The following DNAH6 variants were observed in gnomAD, a reference collection of about 807,000 sequenced individuals.
DNAH6 encodes the protein axonemal beta dynein heavy chain 6.
DNAH6 carries 340 observed loss-of-function variants against 491.4 expected under a neutral mutation model. The observed-to-expected ratio is 0.69, with a 90% CI of 0.63 to 0.76. The LOEUF (loss-of-function observed/expected upper bound fraction) is 0.76. DNAH6 is among the 30% of genes least tolerant of loss of function. The pLI is 0.00. For missense variants in DNAH6, 4,443 were observed against 4,972.2 expected (o/e 0.89, Z 3.20); for synonymous variants, 1,603 against 1,686.1 (o/e 0.95, Z 1.21).
At position 84,707,994 on chromosome 2, in the gene DNAH6, AGTCCCC is replaced by A. The variant is rs2104857580; in HGVS notation, c.9048+279_9048+284del. Among the ~76,000 whole-genome samples the A allele has an allele frequency of 2.0e-5, 3 of 152,326 alleles. No homozygotes were observed. In the South Asian group the frequency reaches 6.2e-4, roughly 32 times the overall value. On this transcript the variant is annotated intron_variant, in intron 54 of 76. Coordinates refer to ENST00000389394, the MANE Select transcript of DNAH6 (RefSeq NM_001370.2). Reference sequence around the variant, plus strand: ...CCTGGGGGAAGGAAAAGAGACAGTGAGTCCCCTACCCTTATGATCACAAGTGGCATG... The same window carrying A: ...CCTGGGGGAAGGAAAAGAGACAGTGATACCCTTATGATCACAAGTGGCATG...
Position 84,624,564 on chromosome 2 carries a change from A to T in DNAH6, c.4297A>T (p.Thr1433Ser), listed in dbSNP as rs1687684284. 6.4e-7 allele frequency: 1 copy of T among 1,551,508 alleles called. No homozygotes were observed. Among genetic ancestry groups the T allele is most frequent in the African/African-American group, 1.4e-5 (1 of 73,040 alleles). Residue 1433 changes from threonine (T) to serine (S), a missense_variant, in exon 28 of 77, where the codon ACT (threonine) becomes TCT (serine). Transcript: ENST00000389394. ...CVARMALSQY[T>S]YGYEYLGACP... ...GGCTAGAATGGCGCTCTCTCAGTAC[A>T]CTTATGGCTATGAATATTTGGGTGC...
At position 84,610,566 on chromosome 2, in the gene DNAH6, T is replaced by C. The variant is rs369745801; in HGVS notation, c.3295-1108T>C. On this transcript the variant is annotated intron_variant, in intron 21 of 76. Transcript: ENST00000389394. ...TTTGATTTTATTCCACCTTTGATTG[T>C]CCCATAGCAAAACAAAGAACCCACT... is the stretch of plus-strand genomic sequence containing the variant. Among the ~76,000 whole-genome samples, 11 of 152,280 alleles carry C rather than the reference T, an allele frequency of 7.2e-5. No individual in the cohort carries two copies. The South Asian group carries it at 2.3e-3, about 32-fold the overall frequency.
At chr2:84,499,275 A>T in the DNAH6 span, among the ~76,000 whole-genome samples, 1 of 152,236 alleles carries the variant, frequency 6.6e-6, no homozygotes, top group Non-Finnish European at 1.5e-5. Context: ...AGATCCCATA[A>T]ATAAGTGAGA....
At chr2:84,712,611 G>GT (rs71390185) in intron 56 of DNAH6, among the ~76,000 whole-genome samples, 38,222 of 152,146 alleles carry the variant, frequency 0.25, 6,103 homozygotes, top group Non-Finnish European at 0.35. Flanking sequence ...TTGGTTTAGT[G>GT]TTTTTTGTTT....
intron 45 of DNAH6, among the ~76,000 whole-genome samples, chr2:84,689,506 T>A (rs1035353108): frequency 6.6e-6 from 1 of 152,170 alleles, no homozygotes; most frequent in African/African-American, 2.4e-5. Context: ...CATGGCAGCA[T>A]CAGGGTATCT....
chr2:84,477,767 A>T, the DNAH6 span, among the ~76,000 whole-genome samples: 3 of 152,250 alleles, frequency 2.0e-5, no homozygotes, highest in Non-Finnish European at 4.4e-5. Context: ...GAGTGAAAGA[A>T]TAGAAGGTAA....
Position 84,653,389 on chromosome 2 carries a change from A to C in DNAH6, c.5149A>C (p.Ile1717Leu). 4.5e-6 allele frequency: 7 copies of C among 1,550,872 alleles called. No individual in the cohort carries two copies. The highest frequency in any genetic ancestry group is 6.1e-6 in the Non-Finnish European group (7 of 1,146,490). ...EHDYGILQST[I>L]VDVMNRQNLQ... ...TGATTATGGTATTTTACAATCAACA[A>C]TTGTGGATGTCATGAATAGACAAAA... The change falls in exon 34 of 77, where the codon ATT becomes CTT. Residue 1717 changes from isoleucine to leucine, a missense_variant. Transcript: ENST00000389394.
At chr2:84,510,522 T>G in the DNAH6 span, among the ~76,000 whole-genome samples, 1 of 152,332 alleles carries the variant, frequency 6.6e-6, no homozygotes, top group African/African-American at 2.4e-5. Context: ...GGTTCGAACT[T>G]CCTCCTTTAG....
Position 84,553,628 on chromosome 2 carries a change from A to AT in DNAH6, c.1602+616dup, listed in dbSNP as rs748931607. Among the ~76,000 whole-genome samples, 565 of 90,960 alleles carry AT rather than the reference A, an allele frequency of 6.2e-3. 36 individuals carry two copies. The highest frequency in any genetic ancestry group is 0.046 in the Middle Eastern group (5 of 108). 59.7% of individuals were successfully genotyped at this position (90,960 alleles called of 152,430 possible). A position where few individuals can be genotyped will look rare whatever the true frequency, so the allele number is the denominator to read the frequency against. ...CAGGTGTATGCCACCAGGACTGGCT[A>AT]TTTTTTTTTTTTTTTTTTTTTTGTA... On this transcript the variant is annotated intron_variant, in intron 10 of 76. Coordinates refer to ENST00000389394, the MANE Select transcript of DNAH6 (RefSeq NM_001370.2).
chr2:84,473,583 G>GA, the DNAH6 span, among the ~76,000 whole-genome samples: 5 of 152,312 alleles, frequency 3.3e-5, no homozygotes, highest in Non-Finnish European at 5.9e-5. Context: ...GTTAAGGTTA[G>GA]AATCACCTCG....
chr2:84,598,754 G>A lies in DNAH6; in HGVS notation c.2868+2965G>A, dbSNP rs146183066. Among the ~76,000 whole-genome samples, 1,199 of 152,140 alleles carry A rather than the reference G, an allele frequency of 7.9e-3. 7 individuals carry two copies. Among genetic ancestry groups the A allele is most frequent in the Non-Finnish European group, 0.012 (829 of 68,004 alleles). On this transcript the variant is annotated intron_variant, in intron 18 of 76. Coordinates refer to ENST00000389394, the MANE Select transcript of DNAH6 (RefSeq NM_001370.2). ...TGTCTTAAAATTGTCATAATTGGCCGGGCACGGTGGCTCATGCCTATAATC... is the reference window on the plus strand; with the variant it reads ...TGTCTTAAAATTGTCATAATTGGCCAGGCACGGTGGCTCATGCCTATAATC...
the DNAH6 span, among the ~76,000 whole-genome samples, chr2:84,466,527 G>A: frequency 6.6e-6 from 1 of 152,094 alleles, no homozygotes; most frequent in South Asian, 2.1e-4. Flanking sequence ...AAGTTTCCTC[G>A]ATTCTGAAAA....
At chr2:84,715,896 G>C (rs1330790375) in intron 58 of DNAH6, among the ~76,000 whole-genome samples, 1 of 152,074 alleles carries the variant, frequency 6.6e-6, no homozygotes, top group African/African-American at 2.4e-5. Context: ...TGGCAGCCCA[G>C]CCCTGCCTCT....
At chr2:84,560,527 T>G (rs1680547707) in intron 11 of DNAH6, among the ~76,000 whole-genome samples, 1 of 151,856 alleles carries the variant, frequency 6.6e-6, no homozygotes, top group South Asian at 2.1e-4. Context: ...GTTACATATG[T>G]ATACATGTGC....
At chr2:84,489,620 C>T in the DNAH6 span, among the ~76,000 whole-genome samples, 1 of 151,994 alleles carries the variant, frequency 6.6e-6, no homozygotes. Flanking sequence ...CTTAAAGAAG[C>T]TCTATAAAAT....
At position 84,759,872 on chromosome 2, in the gene DNAH6, G is replaced by A. The variant is rs373218231; in HGVS notation, c.10513-2883G>A. On this transcript the variant is annotated intron_variant, in intron 63 of 76. Coordinates refer to ENST00000389394, the MANE Select transcript of DNAH6 (RefSeq NM_001370.2). The stretch of plus-strand genomic sequence containing the variant: ...TTATCTGACATCAATTATATTACAA[G>A]GCTATAGTAGCCTTGTAATAAATGA... Among the ~76,000 whole-genome samples the A allele has an allele frequency of 1.1e-3, 171 of 152,178 alleles. 1 individual carries two copies. In the South Asian group the frequency reaches 0.035, roughly 31 times the overall value.
intron 6 of DNAH6, 32 bp from the exon 7 acceptor site, chr2:84,547,460 A>G: frequency 6.4e-7 from 1 of 1,551,652 alleles, no homozygotes; most frequent in Non-Finnish European, 8.7e-7. Context: ...ATACTTCAGT[A>G]TCACTAACTG....
rs1189805854 is a variant in DNAH6, at chr2:84,588,824, A to C, written c.2482-2A>C. ...TAACCAAAAACTGTCTTAAATTTAT[A>C]GGATCCACAGATTTTAGATATCTCT... On this transcript the variant is annotated splice_acceptor_variant, in intron 15 of 76. Transcript: ENST00000389394. LOFTEE classifies it high-confidence loss of function. 3.9e-6 allele frequency: 6 copies of C among 1,526,622 alleles called. No homozygotes were observed. The highest frequency in any genetic ancestry group is 4.4e-6 in the Non-Finnish European group (5 of 1,137,766). The allele number at this position is 1,526,622 out of a possible 1,614,324, so 94.6% of individuals were successfully genotyped here. A position where few individuals can be genotyped will look rare whatever the true frequency, so the allele number is the denominator to read the frequency against.
intron 11 of DNAH6, among the ~76,000 whole-genome samples, chr2:84,560,639 G>A (rs1680570666): frequency 6.6e-6 from 1 of 151,596 alleles, no homozygotes; most frequent in South Asian, 2.1e-4. Context: ...TCCCCAGAGT[G>A]TGATGTTCCC....
Sources: gnomAD v4.1 joint callset for allele counts (sites outside exome capture counted in the v4.1 genomes callset) on GRCh38, gnomAD v4.1.1 for gene constraint, MANE v1.5 for transcripts, NCBI Gene and HGNC (gene_info 2026-07-23, HGNC 2026-07-21) for gene names.